Variants in SLCO1B1 observed in about 807,000 individuals in gnomAD.
The protein encoded by SLCO1B1 is solute carrier organic anion transporter family member 1B1.
Under a neutral mutation model 70.1 loss-of-function variants are expected in SLCO1B1, and 81 were observed. The ratio of observed to expected loss-of-function variants is 1.16; its 90% CI spans 0.97 to 1.39. SLCO1B1 has a LOEUF of 1.39. Ranked by LOEUF, SLCO1B1 falls within the 40% of genes most tolerant of loss-of-function variation. The pLI is 0.00. For synonymous variants in SLCO1B1, 283 were observed against 271.5 expected (o/e 1.04, Z -0.42); for missense variants, 895 against 799.6 (o/e 1.12, Z -1.44).
chr12:21,220,841 C>T (rs995885866), intron 12 of SLCO1B1, among the ~76,000 whole-genome samples: 2 of 148,666 alleles, frequency 1.3e-5, no homozygotes, highest in Non-Finnish European at 3.0e-5. Flanking sequence ...GAAAAGAAAA[C>T]CACAAACCAA....
chr12:21,174,112 A>G (rs1268808817), intron 3 of SLCO1B1, among the ~76,000 whole-genome samples: 2 of 152,078 alleles, frequency 1.3e-5, no homozygotes, highest in South Asian at 2.1e-4. Context: ...ACCTCTGTCC[A>G]TCTATTTTTA....
chr12:21,133,612 C>T (rs1040553600), intron 1 of SLCO1B1, among the ~76,000 whole-genome samples: 1 of 152,064 alleles, frequency 6.6e-6, no homozygotes, highest in African/African-American at 2.4e-5. Flanking sequence ...TGGGAGTTCA[C>T]TCATGATTTG....
intron 9 of SLCO1B1, 99 bp downstream of exon 9, chr12:21,200,771 T>C: frequency 5.2e-6 from 5 of 955,986 alleles, no homozygotes; most frequent in Non-Finnish European, 6.2e-6. Context: ...TGTATTTTAG[T>C]AATACAGGAT....
At chr12:21,206,062 T>G (rs749094940) in intron 11 of SLCO1B1, 29 bp downstream of exon 11, 1 of 1,583,376 alleles carries the variant, frequency 6.3e-7, no homozygotes, top group Non-Finnish European at 8.7e-7. Flanking sequence ...TTTCCTCTCC[T>G]TATTCAAAAG....
chr12:21,203,164 C>T (rs747980076), intron 10 of SLCO1B1, among the ~76,000 whole-genome samples: 2 of 152,056 alleles, frequency 1.3e-5, no homozygotes, highest in Non-Finnish European at 2.9e-5. Context: ...CGATGTTCAA[C>T]AACTATCTTA....
intron 7 of SLCO1B1, among the ~76,000 whole-genome samples, chr12:21,188,164 T>A (rs538766179): frequency 6.6e-6 from 1 of 152,240 alleles, no homozygotes; most frequent in East Asian, 1.9e-4. Flanking sequence ...AATTATGGCG[T>A]ATTTATGAAA....
intron 11 of SLCO1B1, among the ~76,000 whole-genome samples, chr12:21,213,122 T>G (rs1281328568): frequency 6.6e-6 from 1 of 152,042 alleles, no homozygotes; most frequent in African/African-American, 2.4e-5. Flanking sequence ...GTTAGCTGGT[T>G]ATTTTGCTCT....
At chr12:21,138,904 T>A (rs1940267773) in intron 1 of SLCO1B1, among the ~76,000 whole-genome samples, 1 of 152,118 alleles carries the variant, frequency 6.6e-6, no homozygotes, top group African/African-American at 2.4e-5. Context: ...GGGGCTTGGT[T>A]TAGGTTGTGA....
intron 7 of SLCO1B1, among the ~76,000 whole-genome samples, chr12:21,193,859 C>T (rs151329974): frequency 0.01 from 1,528 of 152,106 alleles, 24 homozygotes; most frequent in African/African-American, 0.033. Flanking sequence ...GGTGCGATCT[C>T]GGCTCACTAC....
rs575939835 is a variant in SLCO1B1 at position 21,214,421 on chromosome 12, T to C, written c.1498-2698T>C. Among the ~76,000 whole-genome samples the C allele has an allele frequency of 4.4e-4, 65 of 147,568 alleles. 1 individual carries two copies. Among genetic ancestry groups the C allele is most frequent in the African/African-American group, 1.6e-3 (63 of 39,236 alleles). Reference sequence around the variant, plus strand: ...ACTTGAGGAGGCAGTGTGCCCGTTCTCAGATCTCCAGCTGCGTGCCGGGAG... The same window carrying C: ...ACTTGAGGAGGCAGTGTGCCCGTTCCCAGATCTCCAGCTGCGTGCCGGGAG... On this transcript the variant is annotated intron_variant, in intron 11 of 14. Transcript: ENST00000256958.
chr12:21,139,001 G>A (rs1234753482), intron 1 of SLCO1B1, among the ~76,000 whole-genome samples: 1 of 152,068 alleles, frequency 6.6e-6, no homozygotes, highest in Non-Finnish European at 1.5e-5. Flanking sequence ...ATATGCATAG[G>A]ATAGAAAGAA....
At chr12:21,131,935 C>G (rs1329942689) in intron 1 of SLCO1B1, among the ~76,000 whole-genome samples, 1 of 152,138 alleles carries the variant, frequency 6.6e-6, no homozygotes, top group African/African-American at 2.4e-5. Context: ...GTGCTGCACC[C>G]ATTAACTCAT....
chr12:21,224,880 T>A, intron 14 of SLCO1B1, 41 bp downstream of exon 14: 1 of 1,037,670 alleles, frequency 9.6e-7, no homozygotes, highest in Non-Finnish European at 1.5e-6. Flanking sequence ...TTTCTTTGAC[T>A]ATATTAATTC....
chr12:21,228,334 C>T (rs914009004), intron 14 of SLCO1B1, among the ~76,000 whole-genome samples: 1 of 152,148 alleles, frequency 6.6e-6, no homozygotes, highest in African/African-American at 2.4e-5. Flanking sequence ...TCTAAATTGA[C>T]AACTATTTTC....
chr12:21,175,813 T>G (rs745817300), intron 4 of SLCO1B1, among the ~76,000 whole-genome samples: 1 of 152,150 alleles, frequency 6.6e-6, no homozygotes, highest in Non-Finnish European at 1.5e-5. Context: ...TTTATGATTC[T>G]TCATGAGTTG....
intron 2 of SLCO1B1, among the ~76,000 whole-genome samples, chr12:21,171,141 C>T (rs560785843): frequency 1.3e-5 from 2 of 152,256 alleles, no homozygotes; most frequent in Admixed American, 6.5e-5. Flanking sequence ...CAAGGAAAAC[C>T]TCACTGTGAA....
intron 11 of SLCO1B1, among the ~76,000 whole-genome samples, chr12:21,214,089 G>T (rs1251797088): frequency 6.6e-6 from 1 of 152,188 alleles, no homozygotes; most frequent in Non-Finnish European, 1.5e-5. Context: ...ATCCAGCTTT[G>T]TTCCATTGCT....
chr12:21,156,523 G>T (rs4149023), intron 2 of SLCO1B1, among the ~76,000 whole-genome samples: 8,510 of 152,094 alleles, frequency 0.056, 316 homozygotes, highest in East Asian at 0.13. Context: ...ATCATAAGAG[G>T]TTTATTTGGC....
chr12:21,206,917 G>A (rs1941221813), intron 11 of SLCO1B1, among the ~76,000 whole-genome samples: 1 of 151,794 alleles, frequency 6.6e-6, no homozygotes, highest in Non-Finnish European at 1.5e-5. Flanking sequence ...TCTTGCCCAT[G>A]GATCTACCTA....
Sources: allele counts gnomAD v4.1 joint callset (sites outside exome capture counted in the v4.1 genomes callset), GRCh38; gene constraint gnomAD v4.1.1; transcripts MANE v1.5; gene names NCBI Gene and HGNC (gene_info 2026-07-23, HGNC 2026-07-21).